The following TRPM8 variants were observed in gnomAD, a reference collection of about 807,000 sequenced individuals.
TRPM8 encodes TRPM8 cationic channel.
TRPM8 carries 110 observed loss-of-function variants against 133.7 expected under a neutral mutation model. The ratio of observed to expected loss-of-function variants is 0.82; its 90% CI spans 0.70 to 0.96. The LOEUF is 0.96. Among genes scored for constraint, TRPM8 ranks in the 40% least tolerant of loss-of-function variants. The pLI is 0.00. For synonymous variants in TRPM8, 535 were observed against 532.3 expected, an observed-to-expected ratio of 1.01 and a Z score of -0.07; for missense variants, 1,291 against 1,379.5, an observed-to-expected ratio of 0.94 and a Z score of 1.02.
intron 5 of TRPM8, among the ~76,000 whole-genome samples, chr2:233,940,737 G>A (rs1690886089): frequency 6.6e-6 from 1 of 152,200 alleles, no homozygotes; most frequent in Admixed American, 6.5e-5. Context: ...GTCAATCACT[G>A]CAAGCATGGG....
Position 233,974,605 on chromosome 2 carries a change from T to A in TRPM8, c.2355+4179T>A, listed in dbSNP as rs576357251. On this transcript the variant is annotated intron_variant, in intron 17 of 25. Transcript: ENST00000324695. ...GCCCGCTGGTTCCTGGCAGGCCTTT[T>A]CTGGCACAGCTTCCTGGAGAGGCAG... 1.2e-4 allele frequency among the ~76,000 whole-genome samples: 19 copies of A among 152,330 alleles called. 1 individual carries two copies. Among genetic ancestry groups the A allele is most frequent in the Middle Eastern group, 6.8e-3 (2 of 294 alleles).
intron 9 of TRPM8, chr2:233,953,702 G>A: frequency 4.8e-6 from 2 of 417,436 alleles, no homozygotes; most frequent in Non-Finnish European, 4.4e-6. Context: ...GTCAAATGAG[G>A]CTCTCAGCTT....
At chr2:233,990,845 A>G (rs2075667858) in intron 21 of TRPM8, among the ~76,000 whole-genome samples, 1 of 152,172 alleles carries the variant, frequency 6.6e-6, no homozygotes, top group African/African-American at 2.4e-5. Context: ...TTTTACACGT[A>G]AGGAGTGGGA....
chr2:233,930,856 T>G (rs1358284352), intron 3 of TRPM8, 115 bp downstream of exon 3: 2 of 684,376 alleles, frequency 2.9e-6, no homozygotes, highest in African/African-American at 3.6e-5. Context: ...CGTCTTATAA[T>G]TCTCAGAAAC....
chr2:233,968,298 G>A (rs1691626523), intron 15 of TRPM8: 1 of 152,322 alleles, frequency 6.6e-6, no homozygotes, highest in African/African-American at 2.4e-5. Context: ...GTGAACCTGG[G>A]AAGCACAGGA....
intron 22 of TRPM8, among the ~76,000 whole-genome samples, chr2:234,005,870 G>A (rs1156550358): frequency 6.6e-6 from 1 of 151,208 alleles, no homozygotes; most frequent in Non-Finnish European, 1.5e-5. Context: ...AGAGGTTGCA[G>A]TGAGCCGAGA....
chr2:233,972,949 T>C (rs541380023), intron 17 of TRPM8, among the ~76,000 whole-genome samples: 29 of 152,266 alleles, frequency 1.9e-4, no homozygotes, highest in Non-Finnish European at 3.2e-4. Flanking sequence ...GCTCCTCAAG[T>C]GCCGCCAAAG....
Position 233,954,963 on chromosome 2 carries a change from G to A in TRPM8, c.1244-169G>A, listed in dbSNP as rs1214308011. On this transcript the variant is annotated intron_variant, in intron 10 of 25. Coordinates refer to ENST00000324695, the MANE Select transcript of TRPM8 (RefSeq NM_024080.5). ...ATAAACTTTGGGACATACAGAATGT[G>A]GTTAAGAATGAGTGAAGATAGAGTG... The A allele has an allele frequency of 1.2e-5, 7 of 569,386 alleles. No homozygotes were observed. The East Asian group carries it at 1.8e-4, about 15-fold the overall frequency. The allele number at this position is 569,386 out of a possible 1,614,324, so 35.3% of individuals were successfully genotyped here.
chr2:234,004,282 C>T lies in TRPM8; in HGVS notation c.3131-2571C>T, dbSNP rs563483087. On this transcript the variant is annotated intron_variant, in intron 22 of 25. Transcript: ENST00000324695. ...GACAACAGAAGGACAGGATCTTTCT[C>T]CACCCTCGGGTGGTGTGGCAGTAAT... is the stretch of plus-strand genomic sequence containing the variant. Among the ~76,000 whole-genome samples the T allele has an allele frequency of 3.3e-5, 5 of 152,312 alleles. No individual in the cohort carries two copies. The East Asian group carries it at 5.8e-4, about 18-fold the overall frequency.
intron 24 of TRPM8, among the ~76,000 whole-genome samples, chr2:234,009,433 G>A (rs1315718958): frequency 1.3e-5 from 2 of 152,228 alleles, no homozygotes; most frequent in East Asian, 1.9e-4. Flanking sequence ...AGTGGACAGA[G>A]GAGGGCAGCA....
At chr2:233,970,955 T>C (rs1386116696) in intron 17 of TRPM8, among the ~76,000 whole-genome samples, 1 of 152,202 alleles carries the variant, frequency 6.6e-6, no homozygotes, top group Admixed American at 6.5e-5. Context: ...CTCTCTACCG[T>C]TGAACCCAGA....
At chr2:233,979,721 T>A (rs191526466) in intron 17 of TRPM8, among the ~76,000 whole-genome samples, 564 of 152,236 alleles carry the variant, frequency 3.7e-3, no homozygotes, top group African/African-American at 4.7e-3. Flanking sequence ...ACATTTTTTT[T>A]AAAAAAAGAT....
At chr2:233,921,182 T>C (rs1691399134) in intron 1 of TRPM8, among the ~76,000 whole-genome samples, 1 of 152,188 alleles carries the variant, frequency 6.6e-6, no homozygotes. Flanking sequence ...CACTTGGACA[T>C]GCATTCATTC....
At chr2:233,987,727 C>T (rs1465999148) in intron 21 of TRPM8, among the ~76,000 whole-genome samples, 1 of 152,222 alleles carries the variant, frequency 6.6e-6, no homozygotes, top group Non-Finnish European at 1.5e-5. Flanking sequence ...CCATAATTCC[C>T]TCAAGTTGTG....
At chr2:233,953,250 A>G (rs961866194) in intron 9 of TRPM8, among the ~76,000 whole-genome samples, 5 of 152,196 alleles carry the variant, frequency 3.3e-5, no homozygotes, top group Non-Finnish European at 7.4e-5. Flanking sequence ...CTGCAGTTCC[A>G]GATCCTTATT....
rs201509989 is a variant in TRPM8 at position 233,964,587 on chromosome 2, A to C, written c.1750-41A>C. On this transcript the variant is annotated intron_variant, in intron 13 of 25. Coordinates refer to ENST00000324695, the MANE Select transcript of TRPM8 (RefSeq NM_024080.5). ...AAAAAAAAAAAAAAAAGAAAAGGAA[A>C]AAAAAGAATTAACCTTAAAATTCTT... 2.7e-3 allele frequency: 3,974 copies of C among 1,450,808 alleles called. 66 individuals carry two copies. The African/African-American group carries it at 0.047, about 17-fold the overall frequency. The allele number at this position is 1,450,808 out of a possible 1,614,324, so 89.9% of individuals were successfully genotyped here. A position where few individuals can be genotyped will look rare whatever the true frequency, so the allele number is the denominator to read the frequency against.
chr2:233,937,180 G>A, intron 3 of TRPM8, 173 bp from the exon 4 acceptor site: 1 of 740,588 alleles, frequency 1.4e-6, no homozygotes, highest in Non-Finnish European at 2.1e-6. Context: ...ACAGGCGTGA[G>A]CCACCGCACC....
chr2:233,922,076 G>A (rs1691423333), intron 1 of TRPM8, among the ~76,000 whole-genome samples: 2 of 150,496 alleles, frequency 1.3e-5, no homozygotes, highest in South Asian at 4.2e-4. Context: ...TTGTAAAGAG[G>A]TTACAGTCGC....
chr2:233,940,264 G>A (rs1270639230), intron 5 of TRPM8, among the ~76,000 whole-genome samples: 2 of 150,074 alleles, frequency 1.3e-5, no homozygotes, highest in Non-Finnish European at 2.9e-5. Context: ...CTAAGGAAAC[G>A]TGTCGTAATC....
Sources: allele counts gnomAD v4.1 joint callset (sites outside exome capture counted in the v4.1 genomes callset), GRCh38; gene constraint gnomAD v4.1.1; transcripts MANE v1.5; gene names NCBI Gene and HGNC (gene_info 2026-07-23, HGNC 2026-07-21).